The following RFX4 variants were observed in gnomAD, a reference collection of about 807,000 sequenced individuals.
The protein encoded by RFX4 is transcription factor RFX4.
A neutral mutation model predicts 95.0 loss-of-function variants in RFX4; 10 were observed. That is an observed-to-expected ratio of 0.11 (90% CI 0.06 to 0.18). The LOEUF (loss-of-function observed/expected upper bound fraction) is 0.18. Ranked by LOEUF, RFX4 falls within the 10% of genes least tolerant of loss-of-function variation. RFX4 has a pLI of 1.00. For synonymous variants in RFX4, 321 were observed against 340.7 expected, an observed-to-expected ratio of 0.94 and a Z score of 0.64; for missense variants, 640 against 922.0, an observed-to-expected ratio of 0.69 and a Z score of 3.96.
chr12:106,752,843 C>A (rs192876391), intron 17 of RFX4, among the ~76,000 whole-genome samples: 2 of 152,038 alleles, frequency 1.3e-5, no homozygotes, highest in Non-Finnish European at 2.9e-5. Context: ...GGGAAACCAC[C>A]GCTGGACACT....
chr12:106,685,001 C>T, intron 5 of RFX4: 1 of 1,577,000 alleles, frequency 6.3e-7, no homozygotes, highest in Non-Finnish European at 8.6e-7. Context: ...ATTCAAAATG[C>T]CTTCTCATCT....
At chr12:106,726,999 T>C (rs951455175) in intron 13 of RFX4, among the ~76,000 whole-genome samples, 6 of 152,158 alleles carry the variant, frequency 3.9e-5, no homozygotes, top group African/African-American at 1.4e-4. Context: ...CAGGAACTCC[T>C]GACCTCAAGT....
Position 106,762,072 on chromosome 12 carries a change from CA to C in RFX4, c.*604del, listed in dbSNP as rs1201919241. On this transcript the variant is annotated 3_prime_UTR_variant, in exon 18 of 18. Coordinates refer to ENST00000392842, the MANE Select transcript of RFX4 (RefSeq NM_213594.3). ...GATTTTCTGTCATACCCACATCTGT[CA>C]CAGTACCTGCATTGTCTTGGAATGT... 6.6e-6 allele frequency: 1 copy of C among 152,650 alleles called. No homozygotes were observed. The allele number at this position is 152,650 out of a possible 1,614,324, so 9.5% of individuals were successfully genotyped here. A position where few individuals can be genotyped will look rare whatever the true frequency, so the allele number is the denominator to read the frequency against.
At chr12:106,602,822 A>G (rs377364899) in intron 1 of RFX4, among the ~76,000 whole-genome samples, 1 of 151,904 alleles carries the variant, frequency 6.6e-6, no homozygotes, top group Admixed American at 6.6e-5. Flanking sequence ...TTTCTTCATC[A>G]CAAGCATCGC....
chr12:106,657,639 G>A (rs1044043940), intron 4 of RFX4, among the ~76,000 whole-genome samples: 5 of 152,094 alleles, frequency 3.3e-5, no homozygotes, highest in Admixed American at 3.3e-4. Context: ...TGGAGTCACT[G>A]AACTTTTCTG....
intron 1 of RFX4, among the ~76,000 whole-genome samples, chr12:106,587,747 C>T (rs768515593): frequency 6.6e-6 from 1 of 152,194 alleles, no homozygotes; most frequent in Admixed American, 6.5e-5. Context: ...ACCCGTGGGT[C>T]GCCCAGGGTG....
intron 4 of RFX4, among the ~76,000 whole-genome samples, chr12:106,669,027 G>A (rs1416992177): frequency 6.6e-6 from 1 of 152,226 alleles, no homozygotes; most frequent in Non-Finnish European, 1.5e-5. Context: ...ACTTATTTAA[G>A]TCTGTAAAAA....
intron 4 of RFX4, among the ~76,000 whole-genome samples, chr12:106,670,200 C>T (rs963654138): frequency 4.6e-5 from 7 of 152,156 alleles, no homozygotes; most frequent in Non-Finnish European, 8.8e-5. Flanking sequence ...TCTTTCTGAA[C>T]AATTTTGAGA....
chr12:106,691,350 CAGTT>C (rs1182760439), intron 7 of RFX4, among the ~76,000 whole-genome samples: 9 of 152,322 alleles, frequency 5.9e-5, no homozygotes, highest in Admixed American at 1.3e-4. Context: ...CAAGGTCACA[CAGTT>C]GGTTAGGGCC....
At chr12:106,689,978 TA>T (rs2041745377) in intron 7 of RFX4, among the ~76,000 whole-genome samples, 1 of 152,148 alleles carries the variant, frequency 6.6e-6, no homozygotes, top group Admixed American at 6.5e-5. Flanking sequence ...ATAACTTTAT[TA>T]TTTTTTGAGG....
intron 7 of RFX4, among the ~76,000 whole-genome samples, chr12:106,695,177 C>T (rs1253661065): frequency 6.6e-6 from 1 of 152,056 alleles, no homozygotes; most frequent in Non-Finnish European, 1.5e-5. Flanking sequence ...CAAGAGTGCC[C>T]ATCTGTTGGG....
intron 1 of RFX4, among the ~76,000 whole-genome samples, chr12:106,597,636 A>C (rs1439449596): frequency 6.6e-6 from 1 of 152,226 alleles, no homozygotes; most frequent in Non-Finnish European, 1.5e-5. Flanking sequence ...AGAGCAAAGA[A>C]GTCAGAATTG....
intron 4 of RFX4, among the ~76,000 whole-genome samples, chr12:106,673,628 C>T (rs750542088): frequency 7.2e-5 from 11 of 152,190 alleles, no homozygotes; most frequent in South Asian, 2.1e-4. Flanking sequence ...AAATGTGTCT[C>T]CCCTTGGATA....
chr12:106,725,863 T>A (rs1565996282), intron 13 of RFX4, among the ~76,000 whole-genome samples: 1 of 152,156 alleles, frequency 6.6e-6, no homozygotes, highest in Non-Finnish European at 1.5e-5. Context: ...GGCATAAATG[T>A]TTTTATAGGC....
chr12:106,734,414 G>T (rs1270669671), intron 15 of RFX4, among the ~76,000 whole-genome samples: 19 of 151,736 alleles, frequency 1.3e-4, no homozygotes, highest in Non-Finnish European at 2.8e-4. Flanking sequence ...TGGCCAACAT[G>T]GTGAAACCCC....
intron 4 of RFX4, among the ~76,000 whole-genome samples, chr12:106,666,233 C>T (rs2041174444): frequency 6.6e-6 from 1 of 151,938 alleles, no homozygotes; most frequent in Non-Finnish European, 1.5e-5. Flanking sequence ...GATTTCCAAG[C>T]AGAAGTCAGA....
At chr12:106,714,185 A>G (rs760254779) in intron 10 of RFX4, among the ~76,000 whole-genome samples, 2 of 151,942 alleles carry the variant, frequency 1.3e-5, no homozygotes, top group African/African-American at 2.4e-5. Context: ...CTGAAGGAAC[A>G]TGCTCAGGAA....
chr12:106,722,771 T>C (rs2042419922), intron 13 of RFX4, among the ~76,000 whole-genome samples: 1 of 152,218 alleles, frequency 6.6e-6, no homozygotes, highest in Admixed American at 6.5e-5. Flanking sequence ...TTGTTGAATT[T>C]TGCAGCTTGG....
At chr12:106,624,378 G>A (rs974904110) in intron 2 of RFX4, among the ~76,000 whole-genome samples, 11 of 151,968 alleles carry the variant, frequency 7.2e-5, no homozygotes, top group Admixed American at 3.3e-4. Context: ...AGGCTGGAGC[G>A]CAGTGTCGCG....
Sources: gnomAD v4.1 joint callset for allele counts (sites outside exome capture counted in the v4.1 genomes callset) on GRCh38, gnomAD v4.1.1 for gene constraint, MANE v1.5 for transcripts, NCBI Gene and HGNC (gene_info 2026-07-23, HGNC 2026-07-21) for gene names.